Variants in FHIT observed in about 807,000 individuals in gnomAD.
FHIT encodes fragile histidine triad diadenosine triphosphatase, also known as bis(5'-adenosyl)-triphosphatase.
In FHIT, 19 loss-of-function variants were observed where a neutral mutation model predicts 17.9. The ratio of observed to expected loss-of-function variants is 1.06; its 90% CI spans 0.74 to 1.56. FHIT has a LOEUF of 1.56. FHIT is among the 40% of genes most tolerant of loss of function. The pLI is 0.00. For missense variants in FHIT, 248 were observed against 189.2 expected (o/e 1.31, Z -1.82); for synonymous variants, 81 against 69.7 (o/e 1.16, Z -0.81).
chr3:60,814,910 T>G (rs1466149014), intron 4 of FHIT, among the ~76,000 whole-genome samples: 3 of 136,542 alleles, frequency 2.2e-5, no homozygotes, highest in Non-Finnish European at 4.7e-5. Context: ...GTTTTTGTTG[T>G]TTTTTTTTTT....
chr3:60,823,683 C>A (rs1702012587), intron 3 of FHIT, among the ~76,000 whole-genome samples: 1 of 152,174 alleles, frequency 6.6e-6, no homozygotes, highest in Non-Finnish European at 1.5e-5. Context: ...AACTATGAGA[C>A]AATAAATTTC....
intron 8 of FHIT, among the ~76,000 whole-genome samples, chr3:59,830,691 A>G (rs1324743850): frequency 1.3e-5 from 2 of 152,202 alleles, no homozygotes; most frequent in Non-Finnish European, 2.9e-5. Flanking sequence ...TTCCCTCATT[A>G]TCTGTGGGCC....
intron 5 of FHIT, among the ~76,000 whole-genome samples, chr3:60,031,161 C>A (rs1029330144): frequency 6.6e-6 from 1 of 152,104 alleles, no homozygotes; most frequent in Non-Finnish European, 1.5e-5. Context: ...TTCTACAAAA[C>A]ACGTTTTATC....
intron 5 of FHIT, among the ~76,000 whole-genome samples, chr3:60,465,577 G>C (rs1353530292): frequency 1.3e-5 from 2 of 152,112 alleles, no homozygotes; most frequent in African/African-American, 4.8e-5. Context: ...TATGGCAAGA[G>C]ATAGGGGTCT....
At chr3:59,788,577 T>A (rs1699410657) in intron 8 of FHIT, among the ~76,000 whole-genome samples, 2 of 152,174 alleles carry the variant, frequency 1.3e-5, no homozygotes, top group Non-Finnish European at 2.9e-5. Context: ...TCATTCTAGA[T>A]TGGCCCTCTC....
At chr3:60,141,984 T>G (rs1297086144) in intron 5 of FHIT, among the ~76,000 whole-genome samples, 2 of 152,176 alleles carry the variant, frequency 1.3e-5, no homozygotes, top group African/African-American at 4.8e-5. Flanking sequence ...AGTTGACATT[T>G]TAATTAGGCA....
intron 3 of FHIT, among the ~76,000 whole-genome samples, chr3:61,014,090 C>G (rs958545314): frequency 6.6e-6 from 1 of 152,172 alleles, no homozygotes; most frequent in Non-Finnish European, 1.5e-5. Context: ...CTCTGCATGA[C>G]TTTCCAGATT....
chr3:61,130,561 T>A (rs1576071110), intron 2 of FHIT, among the ~76,000 whole-genome samples: 1 of 152,282 alleles, frequency 6.6e-6, no homozygotes, highest in East Asian at 1.9e-4. Flanking sequence ...AAGATAAATG[T>A]TCCCCCAGGC....
intron 5 of FHIT, among the ~76,000 whole-genome samples, chr3:60,319,459 A>G (rs1406366544): frequency 6.6e-6 from 1 of 152,134 alleles, no homozygotes; most frequent in Non-Finnish European, 1.5e-5. Flanking sequence ...GGAAAAAAAA[A>G]AAACAACGAA....
At chr3:60,800,932 C>T (rs559980786) in intron 4 of FHIT, among the ~76,000 whole-genome samples, 49 of 152,270 alleles carry the variant, frequency 3.2e-4, no homozygotes, top group African/African-American at 1.2e-3. Flanking sequence ...ATGAGTTCAG[C>T]TGTGAGACCT....
intron 5 of FHIT, among the ~76,000 whole-genome samples, chr3:60,083,586 C>G (rs1703377763): frequency 1.3e-5 from 2 of 152,104 alleles, no homozygotes; most frequent in South Asian, 4.1e-4. Flanking sequence ...CATGAGCATA[C>G]TGTGCGGTCT....
chr3:61,037,419 A>G (rs188645225), intron 3 of FHIT, among the ~76,000 whole-genome samples: 75 of 152,308 alleles, frequency 4.9e-4, no homozygotes, highest in African/African-American at 1.8e-3. Context: ...TACCACTGGG[A>G]GTATACCAGA....
At chr3:59,827,793 A>G (rs1425392921) in intron 8 of FHIT, among the ~76,000 whole-genome samples, 1 of 152,236 alleles carries the variant, frequency 6.6e-6, no homozygotes, top group African/African-American at 2.4e-5. Context: ...TTGTGTAGGC[A>G]CAAACACAAG....
At chr3:60,073,144 G>C (rs576980402) in intron 5 of FHIT, among the ~76,000 whole-genome samples, 34 of 152,268 alleles carry the variant, frequency 2.2e-4, no homozygotes, top group Admixed American at 5.9e-4. Flanking sequence ...GACTGATTGT[G>C]TTAGCAAGTT....
At chr3:60,186,815 G>GTT (rs34706556) in intron 5 of FHIT, among the ~76,000 whole-genome samples, 1,905 of 147,348 alleles carry the variant, frequency 0.013, 34 homozygotes, top group African/African-American at 0.043. Flanking sequence ...TATTGTATTT[G>GTT]TTTTTTTTTT....
At chr3:60,133,612 T>G (rs911894541) in intron 5 of FHIT, among the ~76,000 whole-genome samples, 3 of 151,956 alleles carry the variant, frequency 2.0e-5, no homozygotes, top group African/African-American at 4.8e-5. Flanking sequence ...GTCCTGAGAG[T>G]GTGGGGACCA....
At chr3:61,137,573 C>T (rs1295737734) in intron 2 of FHIT, among the ~76,000 whole-genome samples, 1 of 152,142 alleles carries the variant, frequency 6.6e-6, no homozygotes, top group Non-Finnish European at 1.5e-5. Flanking sequence ...GTAAAGATAC[C>T]TGGGGCTACA....
intron 8 of FHIT, among the ~76,000 whole-genome samples, chr3:59,822,875 A>T (rs1575550876): frequency 6.6e-6 from 1 of 152,266 alleles, no homozygotes; most frequent in South Asian, 2.1e-4. Context: ...AGTCTGCCTA[A>T]GCCAATGTCT....
chr3:60,919,094 C>A (rs1030616402), intron 3 of FHIT, among the ~76,000 whole-genome samples: 1 of 152,082 alleles, frequency 6.6e-6, no homozygotes, highest in African/African-American at 2.4e-5. Context: ...GCAAAGGGGG[C>A]TCAGTGGAAA....
Sources: gnomAD v4.1 joint callset for allele counts (sites outside exome capture counted in the v4.1 genomes callset) on GRCh38, gnomAD v4.1.1 for gene constraint, MANE v1.5 for transcripts, NCBI Gene and HGNC (gene_info 2026-07-23, HGNC 2026-07-21) for gene names.